The following GSE1 variants were observed in gnomAD, a reference collection of about 807,000 sequenced individuals.
The protein encoded by GSE1 is genetic suppressor element 1.
In GSE1, 32 loss-of-function variants were observed where a neutral mutation model predicts 112.6. The observed-to-expected ratio is 0.28, with a 90% confidence interval of 0.21 to 0.38. GSE1 has a LOEUF of 0.38. GSE1 is among the 10% of genes least tolerant of loss of function. The pLI is 1.00. For missense variants in GSE1, 2,348 were observed against 1,699.2 expected, an observed-to-expected ratio of 1.38 and a Z score of -6.71; for synonymous variants, 1,115 against 735.6, an observed-to-expected ratio of 1.52 and a Z score of -8.35.
At chr16:85,235,940 C>A (rs951772776) in intron 1 of GSE1, among the ~76,000 whole-genome samples, 1 of 151,936 alleles carries the variant, frequency 6.6e-6, no homozygotes, top group African/African-American at 2.4e-5. Context: ...ATCTGGGGAG[C>A]GAGGCTGCAG....
At chr16:85,639,451 C>G (rs1008269658) in intron 2 of GSE1, among the ~76,000 whole-genome samples, 1 of 152,194 alleles carries the variant, frequency 6.6e-6, no homozygotes, top group Non-Finnish European at 1.5e-5. Flanking sequence ...CTGTGTCCCA[C>G]CCCCTGCGCT....
rs1482467657 is a variant in GSE1, at chr16:85,675,294, G to C, written c.*2755G>C. ...ATCTTCCTACATTACCTGGAAGGGA[G>C]CTGCCATCTGTCCCTCTGCAGAGGG... On this transcript the variant is annotated 3_prime_UTR_variant, in exon 16 of 16. Coordinates refer to ENST00000253458, the MANE Select transcript of GSE1 (RefSeq NM_014615.5). 1.3e-5 allele frequency: 2 copies of C among 152,188 alleles called. No individual in the cohort carries two copies. Among genetic ancestry groups the C allele is most frequent in the African/African-American group, 4.8e-5 (2 of 41,448 alleles). The allele number at this position is 152,188 out of a possible 1,614,324, so 9.4% of individuals were successfully genotyped here. A position where few individuals can be genotyped will look rare whatever the true frequency, so the allele number is the denominator to read the frequency against.
chr16:85,669,539 C>T (rs753952247), intron 14 of GSE1, among the ~76,000 whole-genome samples: 3 of 152,112 alleles, frequency 2.0e-5, no homozygotes, highest in South Asian at 2.1e-4. Context: ...GAGTTTATTG[C>T]GCACCACCCC....
At chr16:85,652,320 G>T (rs529211750) in intron 3 of GSE1, among the ~76,000 whole-genome samples, 28 of 152,344 alleles carry the variant, frequency 1.8e-4, no homozygotes, top group Admixed American at 8.5e-4. Context: ...CCACTACCCC[G>T]GTTGCTGACA....
chr16:85,296,984 A>C (rs2045386530), intron 1 of GSE1, among the ~76,000 whole-genome samples: 1 of 151,026 alleles, frequency 6.6e-6, no homozygotes, highest in East Asian at 2.0e-4. Context: ...CTTTGACCTC[A>C]CTCTGTGCCT....
chr16:85,496,340 T>C (rs1344181901), intron 2 of GSE1, among the ~76,000 whole-genome samples: 1 of 148,614 alleles, frequency 6.7e-6, no homozygotes, highest in Non-Finnish European at 1.5e-5. Context: ...AGCGATGGCG[T>C]TTGCATGGCT....
chr16:85,629,505 C>T (rs867201808), intron 1 of GSE1, among the ~76,000 whole-genome samples: 9 of 152,238 alleles, frequency 5.9e-5, no homozygotes, highest in Admixed American at 2.0e-4. Context: ...GCCCCTCCTG[C>T]GGCCCTGGAG....
At chr16:85,640,823 C>T (rs534985228) in intron 2 of GSE1, among the ~76,000 whole-genome samples, 172 of 152,364 alleles carry the variant, frequency 1.1e-3, no homozygotes, top group African/African-American at 4.0e-3. Flanking sequence ...GCTCTGCAGG[C>T]GTCTGGAGCC....
In GSE1 at chr16:85,357,442, G is replaced by C. The variant is rs1340862880; in HGVS notation, c.2284-21G>C. On this transcript the variant is annotated intron_variant, in intron 1 of 2. Coordinates refer to the GSE1 transcript ENST00000637419. ...TGCAGGCATGGCCCAGGCTCACTGT[G>C]TCCACCTCTTTTCCTTTCAGCCTGT... 3.3e-6 allele frequency: 4 copies of C among 1,198,198 alleles called. No individual in the cohort carries two copies. In the Admixed American group the frequency reaches 1.2e-4, roughly 37 times the overall value. 74.2% of individuals were successfully genotyped at this position (1,198,198 alleles called of 1,614,324 possible).
intron 1 of GSE1, among the ~76,000 whole-genome samples, chr16:85,243,451 C>T (rs1038631463): frequency 1.3e-5 from 2 of 152,244 alleles, no homozygotes; most frequent in East Asian, 3.9e-4. Flanking sequence ...TCCCTGGCAT[C>T]CCGGCCTGTG....
intron 2 of GSE1, among the ~76,000 whole-genome samples, chr16:85,400,249 TTGTGTGTG>T (rs60393248): frequency 0.012 from 1,794 of 150,324 alleles, 13 homozygotes; most frequent in East Asian, 0.026. Flanking sequence ...AAGTGTAGGG[TTGTGTGTG>T]TGTGTGTGTG....
intron 2 of GSE1, among the ~76,000 whole-genome samples, chr16:85,367,182 C>T (rs2047202564): frequency 6.6e-6 from 1 of 152,256 alleles, no homozygotes; most frequent in Admixed American, 6.5e-5. Context: ...TGAAGAGTGC[C>T]ACCCTTGCCC....
chr16:85,190,339 G>C (rs1215226823), intron 1 of GSE1, among the ~76,000 whole-genome samples: 1 of 152,160 alleles, frequency 6.6e-6, no homozygotes, highest in African/African-American at 2.4e-5. Flanking sequence ...AGAATTGCTG[G>C]CTCTCTCATA....
intron 2 of GSE1, among the ~76,000 whole-genome samples, chr16:85,447,264 T>C (rs998458160): frequency 6.6e-6 from 1 of 152,144 alleles, no homozygotes; most frequent in African/African-American, 2.4e-5. Flanking sequence ...AAGGATTCTT[T>C]CTTGGACCAC....
chr16:85,310,966 G>A (rs1029727448), intron 1 of GSE1, among the ~76,000 whole-genome samples: 46 of 152,228 alleles, frequency 3.0e-4, no homozygotes, highest in African/African-American at 9.9e-4. Flanking sequence ...CCGCCGCTCC[G>A]CATCCTTCAG....
chr16:85,553,026 T>TA (rs2045000831), upstream of GSE1, among the ~76,000 whole-genome samples: 1 of 151,730 alleles, frequency 6.6e-6, no homozygotes, highest in South Asian at 2.1e-4. Context: ...ACTGATAGTT[T>TA]AGGGTCTTTT....
intron 1 of GSE1, chr16:85,593,569 G>A (rs1251356970): frequency 6.6e-6 from 1 of 151,018 alleles, no homozygotes; most frequent in Non-Finnish European, 1.5e-5. Flanking sequence ...TGACCCCCTG[G>A]CCCTCCCCAG....
chr16:85,235,332 G>A (rs1904485724), intron 1 of GSE1, among the ~76,000 whole-genome samples: 3 of 151,738 alleles, frequency 2.0e-5, no homozygotes, highest in African/African-American at 7.3e-5. Context: ...GCGAAGAGGG[G>A]TTGGTTCTGG....
chr16:85,618,899 G>A (rs547698604), intron 1 of GSE1, among the ~76,000 whole-genome samples: 1 of 152,332 alleles, frequency 6.6e-6, no homozygotes, highest in East Asian at 1.9e-4. Flanking sequence ...CCTGATCTTG[G>A]GTGATCCTTC....
Sources: gnomAD v4.1 joint callset for allele counts (sites outside exome capture counted in the v4.1 genomes callset) on GRCh38, gnomAD v4.1.1 for gene constraint, MANE v1.5 for transcripts, NCBI Gene and HGNC (gene_info 2026-07-23, HGNC 2026-07-21) for gene names.